The following BMPR1B variants were observed in gnomAD, a reference collection of about 807,000 sequenced individuals.
BMPR1B encodes bone morphogenetic protein receptor type-1B.
BMPR1B carries 12 observed loss-of-function variants against 59.1 expected under a neutral mutation model. The observed-to-expected ratio is 0.20, with a 90% confidence interval of 0.13 to 0.33. The LOEUF (loss-of-function observed/expected upper bound fraction) is 0.33. BMPR1B is among the 10% of genes least tolerant of loss of function. The probability of loss-of-function intolerance (pLI) is 1.00; values close to 1 mark genes in which losing one functional copy is unlikely to be tolerated. For missense variants in BMPR1B, 550 were observed against 610.9 expected, an observed-to-expected ratio of 0.90 and a Z score of 1.05; for synonymous variants, 237 against 207.3, an observed-to-expected ratio of 1.14 and a Z score of -1.23.
At chr4:94,789,875 G>A (rs186002591) in intron 1 of BMPR1B, among the ~76,000 whole-genome samples, 88 of 152,152 alleles carry the variant, frequency 5.8e-4, no homozygotes, top group African/African-American at 2.0e-3. Context: ...TGGATTTTCT[G>A]CCTCTGTCAC....
chr4:94,768,622 A>G (rs966246525), intron 1 of BMPR1B, among the ~76,000 whole-genome samples: 4 of 152,144 alleles, frequency 2.6e-5, no homozygotes, highest in African/African-American at 9.7e-5. Context: ...GTGAATATCA[A>G]CAGTTTCTTT....
At position 95,059,310 on chromosome 4, in the gene BMPR1B, TTA is replaced by T. The variant is rs374460679; in HGVS notation, c.-17-45088_-17-45087del. Among the ~76,000 whole-genome samples, 298 of 152,244 alleles carry T rather than the reference TTA, an allele frequency of 2.0e-3. 2 individuals are homozygous for T. Among genetic ancestry groups the T allele is most frequent in the Admixed American group, 4.8e-3 (74 of 15,288 alleles). On this transcript the variant is annotated intron_variant, in intron 3 of 12. Coordinates refer to ENST00000515059, the MANE Select transcript of BMPR1B (RefSeq NM_001203.3). The stretch of plus-strand genomic sequence containing the variant: ...ATACTTATCCACACACATATGTTTC[TTA>T]TATATATATGTGTGTGTGTGTTTTC...
In BMPR1B at chr4:95,145,211, G is replaced by A. The variant is rs3796444; in HGVS notation, c.1077-3537G>A. 3.5e-4 allele frequency among the ~76,000 whole-genome samples: 54 copies of A among 152,234 alleles called. No homozygotes were observed. In the East Asian group the frequency reaches 4.1e-3, roughly 11 times the overall value. On this transcript the variant is annotated intron_variant, in intron 10 of 12. Coordinates refer to ENST00000515059, the MANE Select transcript of BMPR1B (RefSeq NM_001203.3). ...TCCTGCTATCCTTCCCAGAAGTAAC[G>A]AGTATCCTATTTATGTCTCCTCTGT...
intron 3 of BMPR1B, among the ~76,000 whole-genome samples, chr4:95,004,332 G>GT (rs1458969611): frequency 2.0e-5 from 3 of 152,002 alleles, no homozygotes; most frequent in African/African-American, 7.3e-5. Context: ...TATGTCTTTG[G>GT]TAACAATTCT....
intron 2 of BMPR1B, among the ~76,000 whole-genome samples, chr4:94,942,739 A>G (rs991597090): frequency 2.0e-5 from 3 of 152,232 alleles, no homozygotes; most frequent in African/African-American, 7.2e-5. Context: ...GCCTCAGAGT[A>G]CAACTCCAAA....
chr4:95,087,548 T>C (rs1298759171), intron 3 of BMPR1B, among the ~76,000 whole-genome samples: 1 of 152,022 alleles, frequency 6.6e-6, no homozygotes, highest in Non-Finnish European at 1.5e-5. Flanking sequence ...CTGGACAACA[T>C]GGCGAAATGC....
intron 1 of BMPR1B, among the ~76,000 whole-genome samples, chr4:94,822,501 A>G (rs1417765913): frequency 6.6e-6 from 1 of 152,176 alleles, no homozygotes; most frequent in Non-Finnish European, 1.5e-5. Context: ...AGAATAAAGA[A>G]TGAGGAGCAA....
chr4:95,020,687 T>C (rs1025108206), intron 3 of BMPR1B, among the ~76,000 whole-genome samples: 2 of 151,858 alleles, frequency 1.3e-5, no homozygotes, highest in African/African-American at 4.9e-5. Flanking sequence ...GAAACACCAA[T>C]TTATTTTTAT....
chr4:95,121,718 C>A (rs1732545201), intron 6 of BMPR1B, among the ~76,000 whole-genome samples: 1 of 147,044 alleles, frequency 6.8e-6, no homozygotes, highest in Admixed American at 6.6e-5. Flanking sequence ...TATTTTTTTT[C>A]TGTAAGGGTG....
chr4:94,808,672 G>A (rs979576827), intron 1 of BMPR1B, among the ~76,000 whole-genome samples: 1 of 152,120 alleles, frequency 6.6e-6, no homozygotes, highest in African/African-American at 2.4e-5. Flanking sequence ...GCTTATTTTT[G>A]TCAACACTAG....
intron 3 of BMPR1B, among the ~76,000 whole-genome samples, chr4:95,059,702 T>G (rs1178336950): frequency 6.6e-6 from 1 of 152,186 alleles, no homozygotes; most frequent in Admixed American, 6.5e-5. Flanking sequence ...TAGATTTTCA[T>G]ATATTTCATC....
At chr4:94,942,928 A>G (rs1216715471) in intron 2 of BMPR1B, among the ~76,000 whole-genome samples, 1 of 152,212 alleles carries the variant, frequency 6.6e-6, no homozygotes, top group African/African-American at 2.4e-5. Flanking sequence ...ATGATACTGT[A>G]TTGTAGAGTT....
chr4:95,107,976 A>T (rs1257691450), intron 4 of BMPR1B, among the ~76,000 whole-genome samples: 1 of 151,850 alleles, frequency 6.6e-6, no homozygotes, highest in Non-Finnish European at 1.5e-5. Context: ...AGCACACTCT[A>T]CTCTCTACCC....
At chr4:94,792,961 A>G (rs1723038524) in intron 1 of BMPR1B, among the ~76,000 whole-genome samples, 1 of 152,082 alleles carries the variant, frequency 6.6e-6, no homozygotes, top group Non-Finnish European at 1.5e-5. Flanking sequence ...AAAAGAGGAA[A>G]AATATGGTAT....
chr4:94,962,898 C>T (rs72889552), intron 2 of BMPR1B, among the ~76,000 whole-genome samples: 2,963 of 152,238 alleles, frequency 0.019, 94 homozygotes, highest in African/African-American at 0.067. Context: ...AACCTTCATA[C>T]TGTTCTCCAT....
chr4:95,133,909 G>C (rs1182528843), intron 10 of BMPR1B, among the ~76,000 whole-genome samples: 1 of 151,590 alleles, frequency 6.6e-6, no homozygotes, highest in East Asian at 1.9e-4. Context: ...TTAAGTTCTA[G>C]GGTACACGTG....
At chr4:94,864,775 G>GA (rs917999292) in intron 1 of BMPR1B, among the ~76,000 whole-genome samples, 2 of 151,784 alleles carry the variant, frequency 1.3e-5, no homozygotes, top group Non-Finnish European at 1.5e-5. Flanking sequence ...TAATGACAAG[G>GA]AAAAAAAGTC....
chr4:95,101,984 A>C (rs2149262765), intron 3 of BMPR1B, among the ~76,000 whole-genome samples: 1 of 152,300 alleles, frequency 6.6e-6, no homozygotes, highest in African/African-American at 2.4e-5. Context: ...ATACCCTGTA[A>C]GTAAAACCAA....
chr4:95,098,669 C>T lies in BMPR1B; in HGVS notation c.-17-5739C>T, dbSNP rs1417496303. 2.0e-5 allele frequency among the ~76,000 whole-genome samples: 3 copies of T among 151,950 alleles called. No individual in the cohort carries two copies. The East Asian group carries it at 5.8e-4, about 29-fold the overall frequency. ...TCTCCCCAGGTTCATTCTGCTGCTG[C>T]TTCTCTTCCGCCTTGCCTTATATCT... On this transcript the variant is annotated intron_variant, in intron 3 of 12. Coordinates refer to ENST00000515059, the MANE Select transcript of BMPR1B (RefSeq NM_001203.3).
Sources: allele counts gnomAD v4.1 joint callset (sites outside exome capture counted in the v4.1 genomes callset), GRCh38; gene constraint gnomAD v4.1.1; transcripts MANE v1.5; gene names NCBI Gene and HGNC (gene_info 2026-07-23, HGNC 2026-07-21).